GP2: variants seen among roughly 807,000 people sequenced by gnomAD.
GP2 encodes glycoprotein 2, also known as pancreatic secretory granule membrane major glycoprotein GP2.
Under a neutral mutation model 60.8 loss-of-function variants are expected in GP2, and 58 were observed. The ratio of observed to expected loss-of-function variants is 0.95; its 90% CI spans 0.77 to 1.19. GP2 has a LOEUF of 1.19. GP2 is among the 50% of genes most tolerant of loss of function. GP2 has a pLI of 0.00. For missense variants in GP2, 647 were observed against 667.4 expected, an observed-to-expected ratio of 0.97 and a Z score of 0.34; for synonymous variants, 280 against 253.4, an observed-to-expected ratio of 1.10 and a Z score of -1.00.
At chr16:20,323,756 T>G in intron 3 of GP2, 60 bp downstream of exon 3, 1 of 1,133,356 alleles carries the variant, frequency 8.8e-7, no homozygotes, top group Non-Finnish European at 1.3e-6. Context: ...CTCACTCTAC[T>G]GAGCCTGGGA....
intron 10 of GP2, among the ~76,000 whole-genome samples, chr16:20,311,949 C>T (rs1411365461): frequency 6.6e-6 from 1 of 152,150 alleles, no homozygotes; most frequent in Admixed American, 6.5e-5. Context: ...CTGGGCAGTC[C>T]CAGAAAAGTT....
At chr16:20,315,916 C>T (rs1400415844) in intron 9 of GP2, 40 bp downstream of exon 9, 1 of 1,301,006 alleles carries the variant, frequency 7.7e-7, no homozygotes. Context: ...ACTGTCAACA[C>T]TCAGCCAGCT....
rs145839784 is a variant in GP2 at position 20,315,464 on chromosome 16, A to T, written c.1501+492T>A. 1.1e-4 allele frequency among the ~76,000 whole-genome samples: 16 copies of T among 152,320 alleles called. No individual in the cohort carries two copies. In the East Asian group the frequency reaches 3.1e-3, roughly 29 times the overall value. On this transcript the variant is annotated intron_variant, in intron 9 of 10. Transcript: ENST00000302555. ...TATATTATACTCCAGAATACTGTAAATGAATTTTGGAAAACAGTCATTCAC... is the reference window on the plus strand; with the variant it reads ...TATATTATACTCCAGAATACTGTAATTGAATTTTGGAAAACAGTCATTCAC...
chr16:20,326,446 T>A lies in GP2; in HGVS notation c.-15A>T. On this transcript the variant is annotated 5_prime_UTR_variant, in exon 2 of 11. Transcript: ENST00000302555. ...AGGTGAGGCATGCAGGTCACTTTGC[T>A]GTATGCAGACTTCCCATGCAGCTAT... 6.2e-7 allele frequency: 1 copy of A among 1,613,380 alleles called. No individual in the cohort carries two copies.
intron 5 of GP2, 39 bp downstream of exon 5, chr16:20,320,223 C>T (rs759047777): frequency 6.9e-7 from 1 of 1,443,146 alleles, no homozygotes. Context: ...ATCAGCCCAA[C>T]ACATACCTTC....
chr16:20,326,251 C>G (rs1964530452), intron 2 of GP2, 87 bp downstream of exon 2: 1 of 1,264,114 alleles, frequency 7.9e-7, no homozygotes, highest in African/African-American at 1.5e-5. Flanking sequence ...ATTCCTCTTC[C>G]TTACCTGAGC....
rs778113791 is a variant in GP2 at position 20,318,281 on chromosome 16, C to G, written c.1157G>C (p.Gly386Ala). 6 of 1,612,952 alleles carry G rather than the reference C, an allele frequency of 3.7e-6. No homozygotes were observed. The Admixed American group carries it at 6.7e-5, about 18-fold the overall frequency. Residue 386 changes from glycine (G) to alanine (A), a missense_variant, in exon 7 of 11, where the codon GGG (glycine) becomes GCG (alanine). Physicochemically the swap from Gly to Ala is moderately conservative, Grantham distance 60. Transcript: ENST00000302555. ...VLYVGAILEQ[G>A]DTSRFNLVLR... ...CACCAGGTTAAACCGGGAGGTGTCC[C>G]CTTGTTCCAAGATGGCACCCACATA...
chr16:20,319,418 C>T (rs974420844), intron 6 of GP2, among the ~76,000 whole-genome samples: 4 of 152,174 alleles, frequency 2.6e-5, no homozygotes, highest in Admixed American at 6.5e-5. Flanking sequence ...TTAATAGCCA[C>T]GGAATAGTCT....
At chr16:20,313,342 A>G (rs1156877134) in intron 10 of GP2, among the ~76,000 whole-genome samples, 1 of 151,982 alleles carries the variant, frequency 6.6e-6, no homozygotes, top group Non-Finnish European at 1.5e-5. Flanking sequence ...CAAGTCATTC[A>G]TCAAAACCCC....
chr16:20,313,541 C>T (rs78006015), intron 10 of GP2, among the ~76,000 whole-genome samples: 2,598 of 152,252 alleles, frequency 0.017, 41 homozygotes, highest in African/African-American at 0.037. Flanking sequence ...TTTGCACCTC[C>T]GACTCATTTT....
At position 20,323,801 on chromosome 16, in the gene GP2, G is replaced by C. The variant is rs768551971; in HGVS notation, c.535+15C>G. 1.9e-6 allele frequency: 3 copies of C among 1,568,638 alleles called. No individual in the cohort carries two copies. On this transcript the variant is annotated intron_variant, in intron 3 of 10. Coordinates refer to ENST00000302555, the MANE Select transcript of GP2 (RefSeq NM_001502.4). ...TTGGCTGTGTAGCTGCCTCCTCCAG[G>C]GCTCTGCTGCTCACCTGTGCAGTAT...
chr16:20,316,703 G>A (rs1052869459), intron 8 of GP2, among the ~76,000 whole-genome samples: 1 of 151,900 alleles, frequency 6.6e-6, no homozygotes, highest in Non-Finnish European at 1.5e-5. Flanking sequence ...CTGCCTCCTG[G>A]GGACACAAAA....
intron 2 of GP2, among the ~76,000 whole-genome samples, chr16:20,324,958 A>G (rs1964492531): frequency 6.6e-6 from 1 of 152,230 alleles, no homozygotes; most frequent in South Asian, 2.1e-4. Flanking sequence ...AGATCCCACC[A>G]GCATGCCCCA....
In GP2 at chr16:20,320,154, G is replaced by C. The variant is rs981158080; in HGVS notation, c.858+108C>G. 7.5e-6 allele frequency: 6 copies of C among 795,204 alleles called. No homozygotes were observed. In the African/African-American group the frequency reaches 8.5e-5, roughly 11 times the overall value. 49.3% of individuals were successfully genotyped at this position (795,204 alleles called of 1,614,324 possible). ...AACTTGTGCACTCTCACACAACCCT[G>C]GGGGCTCAGGGAAGCTAAGTGGCTT... On this transcript the variant is annotated intron_variant, in intron 5 of 10. Coordinates refer to ENST00000302555, the MANE Select transcript of GP2 (RefSeq NM_001502.4).
intron 4 of GP2, among the ~76,000 whole-genome samples, chr16:20,322,012 G>A (rs146107051): frequency 1.2e-3 from 176 of 152,326 alleles, no homozygotes; most frequent in Non-Finnish European, 2.3e-3. Flanking sequence ...AGCAGAAAGA[G>A]TCTTCAAGGA....
chr16:20,314,631 G>A (rs1436347670), intron 10 of GP2, 26 bp downstream of exon 10: 1 of 1,509,096 alleles, frequency 6.6e-7, no homozygotes, highest in South Asian at 1.1e-5. Flanking sequence ...GGAAAGCTGT[G>A]GGAAAGGCAT....
At chr16:20,318,841 C>T (rs1964261193) in intron 6 of GP2, among the ~76,000 whole-genome samples, 1 of 152,112 alleles carries the variant, frequency 6.6e-6, no homozygotes, top group African/African-American at 2.4e-5. Flanking sequence ...TTTTTATGAA[C>T]CAGGAGCCCC....
chr16:20,318,236 G>T lies in GP2; in HGVS notation c.1202C>A (p.Thr401Asn), dbSNP rs762977910. Reference protein sequence around the residue: ...FNLVLRNCYATPTEDKADLVK... With the variant: ...FNLVLRNCYANPTEDKADLVK... ...AAGGTCAGCCTTGTCTTCAGTGGGG[G>T]TGGCATAGCAGTTCCTCAACACCAG... The change falls in exon 7 of 11, where the codon ACC becomes AAC. Residue 401 changes from threonine (T) to asparagine (N), a missense_variant. Thr to Asn is a moderately conservative substitution (Grantham distance 65). Coordinates refer to ENST00000302555, the MANE Select transcript of GP2 (RefSeq NM_001502.4). The T allele has an allele frequency of 1.2e-6, 2 of 1,611,762 alleles. No homozygotes were observed. The highest frequency in any genetic ancestry group is 1.3e-5 in the African/African-American group (1 of 74,982).
intron 5 of GP2, 86 bp from the exon 6 acceptor site, chr16:20,319,854 A>G: frequency 1.8e-6 from 2 of 1,120,312 alleles, no homozygotes. Context: ...TTCCAGAGTC[A>G]ATTTGCTTAA....
Sources: gnomAD v4.1 joint callset for allele counts (sites outside exome capture counted in the v4.1 genomes callset) on GRCh38, gnomAD v4.1.1 for gene constraint, MANE v1.5 for transcripts, NCBI Gene and HGNC (gene_info 2026-07-23, HGNC 2026-07-21) for gene names.